FCRL5: variants seen among roughly 807,000 people sequenced by gnomAD.
The protein encoded by FCRL5 is Fc receptor like 5.
In FCRL5, 79 loss-of-function variants were observed where a neutral mutation model predicts 92.1. That is an observed-to-expected ratio of 0.86 (90% CI 0.72 to 1.03). FCRL5 has a LOEUF of 1.03. FCRL5 is among the 50% of genes least tolerant of loss of function. The pLI is 0.00. For synonymous variants in FCRL5, 466 were observed against 469.3 expected, an observed-to-expected ratio of 0.99 and a Z score of 0.09; for missense variants, 1,160 against 1,181.1, an observed-to-expected ratio of 0.98 and a Z score of 0.26.
In FCRL5 at chr1:157,518,492, G is replaced by T; in HGVS notation, c.2749C>A (p.Pro917Thr). Residue 917 changes from proline to threonine, a missense_variant, in exon 15 of 17, where the codon CCT becomes ACT. By Grantham distance (38) the Pro-to-Thr change is conservative (BLOSUM62 -1). Transcript: ENST00000361835. ...GAGTAAACCACATTTTCTCCTCTAG[G>T]ATTTGCTTAGAAAAAAGTTGAAGTT... is the stretch of plus-strand genomic sequence containing the variant. ...ELQPVYTNAN[P>T]RGENVVYSEV... 1 of 1,613,930 alleles carries T rather than the reference G, an allele frequency of 6.2e-7. No individual in the cohort carries two copies. The highest frequency in any genetic ancestry group is 1.1e-5 in the South Asian group (1 of 91,048).
In FCRL5 at chr1:157,524,276, C is replaced by T; in HGVS notation, c.2239+3G>A. 1 of 1,614,160 alleles carries T rather than the reference C, an allele frequency of 6.2e-7. No homozygotes were observed. The highest frequency in any genetic ancestry group is 8.5e-7 in the Non-Finnish European group (1 of 1,179,984). On this transcript the variant is annotated splice_donor_region_variant and intron_variant, in intron 10 of 16. Coordinates refer to ENST00000361835, the MANE Select transcript of FCRL5 (RefSeq NM_031281.3). The stretch of plus-strand genomic sequence containing the variant: ...GTGCTGCTGGTGGGCAGGGCCCACT[C>T]ACCTGCAACTTTCAGTGTCACCATC...
rs780051002 is a variant in FCRL5, at chr1:157,546,991, C to T, written c.259G>A (p.Ala87Thr). 1 of 1,614,042 alleles carries T rather than the reference C, an allele frequency of 6.2e-7. No individual in the cohort carries two copies. The highest frequency in any genetic ancestry group is 2.2e-5 in the East Asian group (1 of 44,890). ...VQESGEYRCQAQGSPLSSPVH... is the reference protein window; with the variant it reads ...VQESGEYRCQTQGSPLSSPVH... ...GGGCTACTGAGAGGGGAGCCCTGGG[C>T]CTGGCATCTGTACTCTCCAGATTCC... Residue 87 changes from alanine to threonine, a missense_variant, in exon 3 of 17, where the codon GCC (alanine) becomes ACC (threonine). Ala to Thr is a moderately conservative substitution (Grantham distance 58, BLOSUM62 0). Transcript: ENST00000361835.
In FCRL5 at chr1:157,540,126, T is replaced by G. The variant is rs368839038; in HGVS notation, c.1124-762A>C. Among the ~76,000 whole-genome samples the G allele has an allele frequency of 7.2e-5, 11 of 152,218 alleles. 1 individual carries two copies. The highest frequency in any genetic ancestry group is 3.8e-4 in the East Asian group (2 of 5,198). On this transcript the variant is annotated intron_variant, in intron 6 of 16. Transcript: ENST00000361835. Reference sequence around the variant, plus strand: ...TGTTCAGTCTCCAGTCCACAGGCTCTACCCACCTGCAGGGTGACCCAGCCA... The same window carrying G: ...TGTTCAGTCTCCAGTCCACAGGCTCGACCCACCTGCAGGGTGACCCAGCCA...
intron 6 of FCRL5, among the ~76,000 whole-genome samples, chr1:157,539,736 C>A (rs1346637769): frequency 9.2e-5 from 14 of 152,176 alleles, no homozygotes; most frequent in Admixed American, 9.2e-4. Context: ...GAGACAAATG[C>A]ATATCTGATT....
chr1:157,549,766 G>C (rs1428237706), intron 1 of FCRL5, among the ~76,000 whole-genome samples, 186 bp from the exon 2 acceptor site: 1 of 151,594 alleles, frequency 6.6e-6, no homozygotes, highest in Non-Finnish European at 1.5e-5. Context: ...ATATATATAT[G>C]GCATGGTATT....
chr1:157,534,399 G>C (rs1412576411), intron 8 of FCRL5: 4 of 719,450 alleles, frequency 5.6e-6, no homozygotes, highest in Non-Finnish European at 1.0e-5. Context: ...AAATTCATTT[G>C]GTAAAAGCTG....
At position 157,521,123 on chromosome 1, in the gene FCRL5, C is replaced by A. The variant is rs776177266; in HGVS notation, c.2409G>T (p.Ala803=). 1.9e-6 allele frequency: 3 copies of A among 1,614,104 alleles called. No homozygotes were observed. The African/African-American group carries it at 4.0e-5, about 22-fold the overall frequency. Residue 803 remains alanine (A), a synonymous_variant, in exon 11 of 17, where the codon GCG becomes GCT. Coordinates refer to ENST00000361835, the MANE Select transcript of FCRL5 (RefSeq NM_031281.3). ...CTGCAGTCAGAGAGAGGTTTAAGGA[C>A]GCTCCTCCAGAGGGGGACGACCTAT... ...LGNRSSPSGG[A]SLNLSLTAEH... is the part of the protein sequence containing the mutation.
intron 3 of FCRL5, among the ~76,000 whole-genome samples, 192 bp from the exon 4 acceptor site, chr1:157,545,274 G>A (rs758300777): frequency 4.5e-4 from 68 of 152,084 alleles, no homozygotes; most frequent in Admixed American, 6.6e-5. Context: ...AGAAATGTAG[G>A]TAAAATCACC....
chr1:157,515,741 T>C lies in FCRL5; in HGVS notation c.2868A>G (p.Glu956=), dbSNP rs1471129066. ...RNKGSPIIYS[E]VKVASTPVSG... is the part of the protein sequence containing the mutation. ...AAACCGGGGTTGACGCCACCTTAAC[T>C]TCAGAGTAGATGATAGGGGAACCCT... Residue 956 remains glutamate, a synonymous_variant, in exon 17 of 17, where the codon GAA becomes GAG. Transcript: ENST00000361835. The C allele has an allele frequency of 6.2e-6, 10 of 1,613,970 alleles. No homozygotes were observed. Among genetic ancestry groups the C allele is most frequent in the Non-Finnish European group, 8.5e-6 (10 of 1,179,980 alleles).
intron 7 of FCRL5, among the ~76,000 whole-genome samples, chr1:157,535,831 A>C (rs1395524860): frequency 2.6e-5 from 4 of 151,984 alleles, no homozygotes; most frequent in South Asian, 2.1e-4. Context: ...CGAGTGGTTG[A>C]GTCACACAGC....
At chr1:157,549,814 A>G (rs1297048026) in intron 1 of FCRL5, among the ~76,000 whole-genome samples, 1 of 152,124 alleles carries the variant, frequency 6.6e-6, no homozygotes, top group Non-Finnish European at 1.5e-5. Flanking sequence ...GGTATCTGCC[A>G]TCAAGAAGTT....
intron 6 of FCRL5, chr1:157,541,789 G>A (rs1293908967): frequency 4.6e-5 from 7 of 152,262 alleles, no homozygotes; most frequent in Admixed American, 4.6e-4. Flanking sequence ...AGTCGTAGAT[G>A]CATCTTTAGA....
At chr1:157,518,870 G>A (rs1419673323) in intron 13 of FCRL5, 88 bp from the exon 14 acceptor site, 7 of 1,069,500 alleles carry the variant, frequency 6.5e-6, no homozygotes, top group Non-Finnish European at 9.5e-6. Flanking sequence ...TCTTACTGCA[G>A]GGTGGCTGCC....
chr1:157,520,523 G>C lies in FCRL5; in HGVS notation c.2540C>G (p.Pro847Arg). 1 of 1,581,358 alleles carries C rather than the reference G, an allele frequency of 6.3e-7. No homozygotes were observed. Among genetic ancestry groups the C allele is most frequent in the South Asian group, 1.2e-5 (1 of 86,154 alleles). Residue 847 changes from proline (P) to arginine (R), a missense_variant, in exon 12 of 17, where the codon CCT becomes CGT. Coordinates refer to ENST00000361835, the MANE Select transcript of FCRL5 (RefSeq NM_031281.3). ...ITGLTANRSGPFATGVAGGLL... is the reference protein window; with the variant it reads ...ITGLTANRSGRFATGVAGGLL... Reference sequence around the variant, plus strand: ...GCCCCCGGCGACTCCTGTGGCAAAAGGGCCACTTCTGTTCGCGGTCAGCCC... The same window carrying C: ...GCCCCCGGCGACTCCTGTGGCAAAACGGCCACTTCTGTTCGCGGTCAGCCC...
At chr1:157,527,428 A>G (rs1650480448) in intron 9 of FCRL5, among the ~76,000 whole-genome samples, 189 bp downstream of exon 9, 1 of 152,228 alleles carries the variant, frequency 6.6e-6, no homozygotes, top group Non-Finnish European at 1.5e-5. Context: ...AAGTACAGCA[A>G]GGGAAGGGAA....
rs1651796750 is a variant in FCRL5 at position 157,551,258 on chromosome 1, A to C, written c.31+1074T>G. ...GTTTGACCCCAGAGCCCATGTTATA[A>C]ACTTTGCCCTCTCATGCTCAGGACC... On this transcript the variant is annotated intron_variant, in intron 1 of 16. Transcript: ENST00000361835. 2.6e-5 allele frequency among the ~76,000 whole-genome samples: 4 copies of C among 152,128 alleles called. 1 individual carries two copies. The South Asian group carries it at 8.3e-4, about 32-fold the overall frequency.
intron 9 of FCRL5, among the ~76,000 whole-genome samples, chr1:157,526,453 G>C (rs1434525738): frequency 6.6e-6 from 1 of 152,186 alleles, no homozygotes; most frequent in African/African-American, 2.4e-5. Flanking sequence ...GGGACCAAGA[G>C]AGGGTTTTCC....
At chr1:157,524,099 T>G in intron 10 of FCRL5, 180 bp downstream of exon 10, 1 of 596,708 alleles carries the variant, frequency 1.7e-6, no homozygotes, top group South Asian at 2.7e-5. Flanking sequence ...AACATCAGAT[T>G]CCTGGAACCA....
chr1:157,543,878 G>A (rs1651390266), intron 5 of FCRL5, among the ~76,000 whole-genome samples: 1 of 152,016 alleles, frequency 6.6e-6, no homozygotes, highest in Non-Finnish European at 1.5e-5. Context: ...TTTCACTTTG[G>A]TTATTGTCAA....
Sources: gnomAD v4.1 joint callset for allele counts (sites outside exome capture counted in the v4.1 genomes callset) on GRCh38, gnomAD v4.1.1 for gene constraint, MANE v1.5 for transcripts, NCBI Gene and HGNC (gene_info 2026-07-23, HGNC 2026-07-21) for gene names.